Variants in NOXRED1 observed in about 807,000 individuals in gnomAD.
The protein encoded by NOXRED1 is NADP dependent oxidoreductase domain containing 1.
A neutral mutation model predicts 30.4 loss-of-function variants in NOXRED1; 20 were observed. That is an observed-to-expected ratio of 0.66 (90% CI 0.46 to 0.96). The LOEUF is 0.96. NOXRED1 is among the 40% of genes least tolerant of loss of function. NOXRED1 has a pLI of 0.00. For missense variants in NOXRED1, 374 were observed against 428.0 expected (o/e 0.87, Z 1.11); for synonymous variants, 155 against 168.0 (o/e 0.92, Z 0.60).
upstream of NOXRED1, among the ~76,000 whole-genome samples, chr14:77,425,696 C>T (rs1408040036): frequency 6.6e-6 from 1 of 152,212 alleles, no homozygotes; most frequent in Admixed American, 6.5e-5. Flanking sequence ...GTGGGGCTGT[C>T]CTGTGGATTG....
intron 2 of NOXRED1, among the ~76,000 whole-genome samples, chr14:77,413,173 C>CA (rs1340544205): frequency 5.9e-5 from 9 of 152,046 alleles, no homozygotes; most frequent in Admixed American, 1.3e-4. Context: ...GGGACTTTCT[C>CA]AGTCTATCTC....
chr14:77,425,912 A>G (rs1895110629), upstream of NOXRED1, among the ~76,000 whole-genome samples: 2 of 152,378 alleles, frequency 1.3e-5, no homozygotes, highest in South Asian at 4.1e-4. Context: ...CCCACTCCAC[A>G]GTCACAGGAG....
upstream of NOXRED1, among the ~76,000 whole-genome samples, chr14:77,424,682 A>T (rs1895079892): frequency 6.6e-6 from 1 of 152,190 alleles, no homozygotes; most frequent in Non-Finnish European, 1.5e-5. Context: ...TACAGACATG[A>T]ATTCTAGGCC....
intron 1 of NOXRED1, among the ~76,000 whole-genome samples, chr14:77,415,181 AACACACACACACACACAC>A (rs57039967): frequency 3.3e-5 from 5 of 149,402 alleles, no homozygotes; most frequent in Non-Finnish European, 5.9e-5. Flanking sequence ...GTCTCAGGAA[AACACACACACACACACAC>A]ACACACACAC....
intron 5 of NOXRED1, among the ~76,000 whole-genome samples, chr14:77,398,848 A>C (rs898143484): frequency 1.3e-5 from 2 of 152,048 alleles, no homozygotes; most frequent in Non-Finnish European, 2.9e-5. Flanking sequence ...GGGCACCTGT[A>C]ATCCCAGCTA....
rs149474490 is a variant in NOXRED1 at position 77,412,724 on chromosome 14, G to A, written c.349+1210C>T. Among the ~76,000 whole-genome samples, 161 of 152,224 alleles carry A rather than the reference G, an allele frequency of 1.1e-3. 1 individual carries two copies. Among genetic ancestry groups the A allele is most frequent in the African/African-American group, 3.6e-3 (151 of 41,546 alleles). The stretch of plus-strand genomic sequence containing the variant: ...GACTGGGTTTCACCATGTTGGCCAG[G>A]CTGGTCTCAAACTCCTGACCTCAGG... On this transcript the variant is annotated intron_variant, in intron 2 of 5. Transcript: ENST00000380835.
At chr14:77,400,960 C>T (rs1894311454) in intron 5 of NOXRED1, among the ~76,000 whole-genome samples, 1 of 152,174 alleles carries the variant, frequency 6.6e-6, no homozygotes, top group African/African-American at 2.4e-5. Context: ...ATTTCATGTT[C>T]ATGGAGAAGA....
chr14:77,416,829 G>T (rs555135546), intron 1 of NOXRED1, among the ~76,000 whole-genome samples: 182 of 151,854 alleles, frequency 1.2e-3, no homozygotes, highest in African/African-American at 4.2e-3. Flanking sequence ...GCCGGGCGGG[G>T]GGCTGACCCC....
chr14:77,400,603 G>A (rs1439141247), intron 5 of NOXRED1, among the ~76,000 whole-genome samples: 1 of 152,166 alleles, frequency 6.6e-6, no homozygotes, highest in Non-Finnish European at 1.5e-5. Context: ...GTAGATAAGA[G>A]ACAAACGGTT....
In NOXRED1 at chr14:77,394,818, A is replaced by C. The variant is rs184017448; in HGVS notation, c.906-13T>G. 1,302 of 1,600,602 alleles carry C rather than the reference A, an allele frequency of 8.1e-4. 7 individuals carry two copies. The highest frequency in any genetic ancestry group is 1.0e-3 in the Non-Finnish European group (1,194 of 1,171,090). On this transcript the variant is annotated splice_polypyrimidine_tract_variant and intron_variant, in intron 5 of 5. Transcript: ENST00000380835. ...CCAGGGGAAAGGCCTGAGGTGAAAAAAATATTGTTACTTTTTTATGTCTGT... is the reference window on the plus strand; with the variant it reads ...CCAGGGGAAAGGCCTGAGGTGAAAACAATATTGTTACTTTTTTATGTCTGT...
intron 5 of NOXRED1, among the ~76,000 whole-genome samples, chr14:77,403,815 T>C (rs2139671476): frequency 6.6e-6 from 1 of 152,072 alleles, no homozygotes; most frequent in African/African-American, 2.4e-5. Context: ...AAGAAACAGG[T>C]TTCAGACAAA....
Position 77,401,140 on chromosome 14 carries a change from C to T in NOXRED1, c.905+4773G>A, listed in dbSNP as rs189306405. Among the ~76,000 whole-genome samples the T allele has an allele frequency of 2.2e-3, 334 of 151,186 alleles. 1 individual carries two copies. Among genetic ancestry groups the T allele is most frequent in the African/African-American group, 7.6e-3 (314 of 41,200 alleles). On this transcript the variant is annotated intron_variant, in intron 5 of 5. Coordinates refer to ENST00000380835, the MANE Select transcript of NOXRED1 (RefSeq NM_001113475.3). ...CTGTAATCCCAGCACTTTGGGAGGC[C>T]GAGGTGGGTGGATCACGAGGTCAGG...
rs778838625 is a variant in NOXRED1 at position 77,407,574 on chromosome 14, A to G, written c.421T>C (p.Phe141Leu). Residue 141 changes from phenylalanine (F) to leucine (L), a missense_variant, in exon 3 of 6, where the codon TTC becomes CTC. Transcript: ENST00000380835. ...ADLVSWADVIFLCCLPSQLPN... is the reference protein window; with the variant it reads ...ADLVSWADVILLCCLPSQLPN... ...AGCTGAGACGGCAAGCAGCAGAGGA[A>G]TATCACATCGGCCCAACTCACCAGA... 12 of 1,613,888 alleles carry G rather than the reference A, an allele frequency of 7.4e-6. No individual in the cohort carries two copies. The Admixed American group carries it at 2.0e-4, about 27-fold the overall frequency.
chr14:77,425,111 G>A (rs1276439609), upstream of NOXRED1, among the ~76,000 whole-genome samples: 1 of 152,190 alleles, frequency 6.6e-6, no homozygotes, highest in Non-Finnish European at 1.5e-5. Flanking sequence ...TGTGAGAACT[G>A]ACATGGGTCC....
chr14:77,403,447 T>G (rs1894377939), intron 5 of NOXRED1, among the ~76,000 whole-genome samples: 2 of 152,146 alleles, frequency 1.3e-5, no homozygotes, highest in Non-Finnish European at 2.9e-5. Flanking sequence ...TATTGGATTA[T>G]TTTGAAGGCA....
Position 77,407,596 on chromosome 14 carries a change from C to T in NOXRED1, c.399G>A (p.Leu133=), listed in dbSNP as rs1280812957. 6.2e-7 allele frequency: 1 copy of T among 1,614,158 alleles called. No individual in the cohort carries two copies. The highest frequency in any genetic ancestry group is 1.7e-5 in the Admixed American group (1 of 60,028). ...GIKCFYHNAD[L]VSWADVIFLC... is the part of the protein sequence containing the mutation. ...GGAATATCACATCGGCCCAACTCAC[C>T]AGATCAGCGTTATGGTAAAAGCATT... The change falls in exon 3 of 6, where the codon CTG becomes CTA. Residue 133 remains leucine (L), a synonymous_variant. Transcript: ENST00000380835.
At chr14:77,408,565 T>C (rs79092864) in intron 2 of NOXRED1, among the ~76,000 whole-genome samples, 4,055 of 152,160 alleles carry the variant, frequency 0.027, 190 homozygotes, top group African/African-American at 0.093. Context: ...AGGATAACCA[T>C]GTGTCAGATA....
At chr14:77,420,415 G>A (rs550795859) in intron 1 of NOXRED1, among the ~76,000 whole-genome samples, 1 of 151,048 alleles carries the variant, frequency 6.6e-6, no homozygotes, top group East Asian at 2.0e-4. Context: ...GTCTCACTAT[G>A]TTGCCCAGGC....
intron 1 of NOXRED1, among the ~76,000 whole-genome samples, chr14:77,416,025 T>C (rs934140235): frequency 1.8e-4 from 28 of 152,138 alleles, no homozygotes; most frequent in African/African-American, 6.5e-4. Context: ...TGAAACTCTA[T>C]ACAATTTTTC....
Sources: allele counts gnomAD v4.1 joint callset (sites outside exome capture counted in the v4.1 genomes callset), GRCh38; gene constraint gnomAD v4.1.1; transcripts MANE v1.5; gene names NCBI Gene and HGNC (gene_info 2026-07-23, HGNC 2026-07-21).